Variants in REDIC1 observed in about 807,000 individuals in gnomAD.
The protein encoded by REDIC1 is regulator of DNA class I crossover intermediates 1.
At chr12:39,637,276 A>G in the REDIC1 span, among the ~76,000 whole-genome samples, 1 of 152,102 alleles carries the variant, frequency 6.6e-6, no homozygotes, top group Non-Finnish European at 1.5e-5. Context: ...ATTTTGAATC[A>G]ATACCTATTA....
chr12:39,818,421 T>C, the REDIC1 span, among the ~76,000 whole-genome samples: 2 of 152,234 alleles, frequency 1.3e-5, no homozygotes, highest in Non-Finnish European at 1.5e-5. Flanking sequence ...AGATAGGATC[T>C]CTTATCAATC....
At chr12:39,896,606 AT>A in the REDIC1 span, among the ~76,000 whole-genome samples, 3 of 151,330 alleles carry the variant, frequency 2.0e-5, no homozygotes, top group East Asian at 5.8e-4. Context: ...ATATGTATGT[AT>A]ATGTGTTTAT....
At chr12:39,835,303 T>TAA in the REDIC1 span, among the ~76,000 whole-genome samples, 1 of 152,024 alleles carries the variant, frequency 6.6e-6, no homozygotes, top group African/African-American at 2.4e-5. Context: ...AAGACAGAAA[T>TAA]ACCTATGATC....
chr12:39,742,316 G>C, the REDIC1 span, among the ~76,000 whole-genome samples: 1 of 152,086 alleles, frequency 6.6e-6, no homozygotes, highest in Admixed American at 6.5e-5. Context: ...TTTTTTTCAA[G>C]GGAGGAAGAG....
the REDIC1 span, among the ~76,000 whole-genome samples, chr12:39,900,465 A>T: frequency 2.0e-5 from 3 of 152,054 alleles, no homozygotes; most frequent in Admixed American, 2.0e-4. Context: ...AAATCTCCTT[A>T]AGCTGATAAG....
At chr12:39,756,224 A>C in the REDIC1 span, 1 of 151,960 alleles carries the variant, frequency 6.6e-6, no homozygotes, top group South Asian at 2.1e-4. Context: ...ATGAGCTATA[A>C]ATTTTAACCA....
At chr12:39,868,106 G>A in the REDIC1 span, among the ~76,000 whole-genome samples, 4 of 152,128 alleles carry the variant, frequency 2.6e-5, no homozygotes, top group South Asian at 8.3e-4. Context: ...AATCAATCTG[G>A]TTATTGTCAA....
the REDIC1 span, among the ~76,000 whole-genome samples, chr12:39,812,874 A>G: frequency 7.4e-6 from 1 of 135,080 alleles, no homozygotes; most frequent in East Asian, 2.2e-4. Flanking sequence ...TCACTCTGTC[A>G]CCCAGGCTGG....
the REDIC1 span, among the ~76,000 whole-genome samples, chr12:39,711,653 A>ATG: frequency 1.9e-4 from 25 of 134,152 alleles, no homozygotes; most frequent in African/African-American, 5.3e-4. Flanking sequence ...ATACACATGT[A>ATG]TGTATGTCTA....
chr12:39,864,992 A>G, the REDIC1 span: 3 of 933,898 alleles, frequency 3.2e-6, no homozygotes, highest in Non-Finnish European at 4.6e-6. Flanking sequence ...AAAACTCCTG[A>G]AAAAAAAATA....
At chr12:39,889,529 CTTT>C in the REDIC1 span, among the ~76,000 whole-genome samples, 19 of 119,852 alleles carry the variant, frequency 1.6e-4, no homozygotes, top group Admixed American at 7.7e-4. Flanking sequence ...GGTAAACAAC[CTTT>C]TTTTTTTTTT....
At chr12:39,738,970 GA>G in the REDIC1 span, among the ~76,000 whole-genome samples, 2 of 151,630 alleles carry the variant, frequency 1.3e-5, no homozygotes, top group South Asian at 2.1e-4. Context: ...AATGGGAGAT[GA>G]AAAAATCAAG....
chr12:39,895,417 G>A, the REDIC1 span, among the ~76,000 whole-genome samples: 8 of 148,462 alleles, frequency 5.4e-5, no homozygotes, highest in Non-Finnish European at 8.9e-5. Flanking sequence ...CTGAACCTGG[G>A]AGGTGGAGCT....
At chr12:39,755,929 A>C in the REDIC1 span, 9 of 152,024 alleles carry the variant, frequency 5.9e-5, no homozygotes, top group Admixed American at 2.0e-4. Context: ...GGCACACAAA[A>C]ATTTCCTTCT....
chr12:39,863,255 C>T, the REDIC1 span, among the ~76,000 whole-genome samples: 5 of 152,096 alleles, frequency 3.3e-5, no homozygotes, highest in African/African-American at 1.2e-4. Context: ...TGATCATAAA[C>T]TGCTGTGCAG....
the REDIC1 span, chr12:39,692,088 A>C: frequency 6.3e-7 from 1 of 1,579,506 alleles, no homozygotes; most frequent in South Asian, 1.2e-5. Flanking sequence ...TTTAAAAAGC[A>C]AGCGAATATC....
At chr12:39,716,937 A>C in the REDIC1 span, 1 of 706,088 alleles carries the variant, frequency 1.4e-6, no homozygotes, top group Non-Finnish European at 2.0e-6. Flanking sequence ...TGAGTCAATT[A>C]AATAGTGGAA....
the REDIC1 span, among the ~76,000 whole-genome samples, chr12:39,851,390 A>C: frequency 6.6e-6 from 1 of 152,244 alleles, no homozygotes; most frequent in Non-Finnish European, 1.5e-5. Context: ...AAGAATGAGA[A>C]TTAAAAAATG....
chr12:39,764,641 T>G, the REDIC1 span: 1 of 1,580,772 alleles, frequency 6.3e-7, no homozygotes, highest in East Asian at 2.2e-5. Context: ...AAAACTTTAG[T>G]AAAATAGCAT....
Sources: gnomAD v4.1 joint callset for allele counts (sites outside exome capture counted in the v4.1 genomes callset) on GRCh38, gnomAD v4.1.1 for gene constraint, MANE v1.5 for transcripts, NCBI Gene and HGNC (gene_info 2026-07-23, HGNC 2026-07-21) for gene names.